HAP1: variants seen among roughly 807,000 people sequenced by gnomAD.
The protein encoded by HAP1 is huntingtin-associated protein 1.
A neutral mutation model predicts 60.3 loss-of-function variants in HAP1; 59 were observed. That is an observed-to-expected ratio of 0.98 (90% CI 0.79 to 1.22). The LOEUF is 1.22. HAP1 is among the 50% of genes most tolerant of loss of function. HAP1 has a pLI of 0.00. For synonymous variants in HAP1, 346 were observed against 330.6 expected (o/e 1.05, Z -0.50); for missense variants, 825 against 785.3 (o/e 1.05, Z -0.60).
chr17:41,731,901 G>A, intron 4 of HAP1, 36 bp downstream of exon 4: 1 of 827,132 alleles, frequency 1.2e-6, no homozygotes, highest in East Asian at 2.6e-5. Flanking sequence ...TTGAGGCTCA[G>A]AGAAAGGACT....
In HAP1 at chr17:41,727,603, T is replaced by C. The variant is rs1911767740; in HGVS notation, c.1275+159A>G. ...CACCACTCAGACCTTGATGGAACTG[T>C]CACCTGCTGGGCTGTGCCAGGCATG... On this transcript the variant is annotated intron_variant, in intron 8 of 10. Coordinates refer to ENST00000347901, the MANE Select transcript of HAP1 (RefSeq NM_177977.3). 9.2e-6 allele frequency: 6 copies of C among 655,562 alleles called. No homozygotes were observed. The Admixed American group carries it at 1.4e-4, about 15-fold the overall frequency. 40.6% of individuals were successfully genotyped at this position (655,562 alleles called of 1,614,324 possible).
chr17:41,724,685 T>C lies in HAP1; in HGVS notation c.*16A>G. 1 of 1,571,426 alleles carries C rather than the reference T, an allele frequency of 6.4e-7. No individual in the cohort carries two copies. Among genetic ancestry groups the C allele is most frequent in the Non-Finnish European group, 8.7e-7 (1 of 1,152,780 alleles). ...GGGGCAGGTGAGCACTCGGGGAGCT[T>C]ATCCACCCTCTCTTTTCATCGGCAC... On this transcript the variant is annotated 3_prime_UTR_variant, in exon 11 of 11. Coordinates refer to ENST00000347901, the MANE Select transcript of HAP1 (RefSeq NM_177977.3).
chr17:41,726,306 C>G (rs781954425), intron 9 of HAP1, among the ~76,000 whole-genome samples: 12 of 151,288 alleles, frequency 7.9e-5, no homozygotes, highest in Non-Finnish European at 1.6e-4. Context: ...CCCAGCTACT[C>G]AGGAGGCTGA....
intron 6 of HAP1, chr17:41,730,313 T>G (rs1249912105): frequency 6.6e-6 from 1 of 151,472 alleles, no homozygotes; most frequent in East Asian, 2.0e-4. Context: ...GTCGGCATAG[T>G]GTACTACAGC....
At chr17:41,725,231 C>G (rs41314646) in intron 10 of HAP1, 77 bp from the exon 11 acceptor site, 6 of 1,225,556 alleles carry the variant, frequency 4.9e-6, no homozygotes, top group Non-Finnish European at 5.7e-6. Context: ...CGTCTCCACA[C>G]AGATCCTGAT....
At position 41,734,403 on chromosome 17, in the gene HAP1, C is replaced by A. The variant is rs1260857999; in HGVS notation, c.232G>T (p.Ala78Ser). The part of the protein sequence containing the change: ...ARPASEAGAK[A>S]GARRPSAFSA... ...AATGCGGACGGGCGCCGGGCTCCTG[C>A]CTTGGCTCCAGCCTCCGAGGCCGGG... The change falls in exon 1 of 11, where the codon GCA (alanine) becomes TCA (serine). Residue 78 changes from alanine to serine, a missense_variant. Transcript: ENST00000347901. 3 of 1,607,824 alleles carry A rather than the reference C, an allele frequency of 1.9e-6. No homozygotes were observed. Among genetic ancestry groups the A allele is most frequent in the Non-Finnish European group, 2.6e-6 (3 of 1,176,010 alleles).
chr17:41,734,628 G>A lies in HAP1; in HGVS notation c.7C>T (p.Pro3Ser), dbSNP rs535921386. ...GCGCAGCACCGGCCCAACCTCTTCG[G>A]GCGCATCTCGAGTCTGCCGTCCGCT... is the stretch of plus-strand genomic sequence containing the variant. MR[P>S]KRLGRCCAGS... The change falls in exon 1 of 11, where the codon CCG becomes TCG. Residue 3 changes from proline to serine, a missense_variant. Transcript: ENST00000347901. 1.9e-4 allele frequency: 293 copies of A among 1,511,776 alleles called. 1 individual carries two copies. The highest frequency in any genetic ancestry group is 1.9e-3 in the South Asian group (150 of 80,236). The allele number at this position is 1,511,776 out of a possible 1,614,324, so 93.6% of individuals were successfully genotyped here. A position where few individuals can be genotyped will look rare whatever the true frequency, so the allele number is the denominator to read the frequency against.
At chr17:41,727,915 C>A in intron 7 of HAP1, 79 bp from the exon 8 acceptor site, 2 of 879,914 alleles carry the variant, frequency 2.3e-6, no homozygotes, top group South Asian at 1.4e-5. Flanking sequence ...CAAGTCTTCC[C>A]AGGCACATCA....
downstream of HAP1, chr17:41,721,509 G>A (rs1035074716): frequency 1.1e-5 from 2 of 182,878 alleles, no homozygotes; most frequent in Non-Finnish European, 2.5e-5. Context: ...CTGCATCTCC[G>A]TTTCCTTCAA....
At chr17:41,728,354 C>A (rs782807428) in intron 6 of HAP1, 23 bp from the exon 7 acceptor site, 2 of 1,611,328 alleles carry the variant, frequency 1.2e-6, no homozygotes, top group South Asian at 2.2e-5. Flanking sequence ...GAGGACAGGT[C>A]AGCCCTGGCT....
At chr17:41,726,291 G>A (rs1392137243) in intron 9 of HAP1, among the ~76,000 whole-genome samples, 1 of 151,854 alleles carries the variant, frequency 6.6e-6, no homozygotes, top group Non-Finnish European at 1.5e-5. Flanking sequence ...ATGGCCACCT[G>A]TAGTCCCAGC....
chr17:41,727,493 T>C (rs1555589238), intron 8 of HAP1: 3 of 768,034 alleles, frequency 3.9e-6, no homozygotes, highest in Admixed American at 3.4e-5. Context: ...CACTCCTGCC[T>C]ATCTGCTCTC....
chr17:41,724,878 C>A lies in HAP1; in HGVS notation c.1683G>T (p.Glu561Asp). The A allele has an allele frequency of 6.2e-7, 1 of 1,613,806 alleles. No individual in the cohort carries two copies. ...GGTGTGAAGGGCCCAAGCCGCTGGC[C>A]TCCAGGGCTGATGTCACCACGTTCA... ...TRMNVVTSAL[E>D]ASGLGPSHLD... The change falls in exon 11 of 11, where the codon GAG (glutamate) becomes GAT (aspartate). Residue 561 changes from glutamate to aspartate, a missense_variant. Physicochemically the swap from Glu to Asp is conservative, Grantham distance 45. Transcript: ENST00000347901.
chr17:41,718,726 G>C (rs1393094184), downstream of HAP1, among the ~76,000 whole-genome samples: 1 of 152,226 alleles, frequency 6.6e-6, no homozygotes, highest in Non-Finnish European at 1.5e-5. Context: ...ATTATGGAAG[G>C]AAAACGTCCT....
chr17:41,734,573 GC>G lies in HAP1; in HGVS notation c.61del (p.Ala21GlnfsTer30), dbSNP rs1567787757. 1 of 1,596,872 alleles carries G rather than the reference GC, an allele frequency of 6.3e-7. No homozygotes were observed. Among genetic ancestry groups the G allele is most frequent in the African/African-American group, 1.3e-5 (1 of 74,748 alleles). On this transcript the variant is annotated frameshift_variant, in exon 1 of 11. Transcript: ENST00000347901. LOFTEE classifies it high-confidence loss of function. ...AGSRLGPGDP[A>X]ALTCAPSPSA... ...GGGCGAAGGTGCACAGGTGAGTGCT[GC>G]TGGGTCCCCGGGTCCGAGCCGGCTC...
At chr17:41,733,018 AGGTTTTT>A (rs1912351104) in intron 1 of HAP1, among the ~76,000 whole-genome samples, 1 of 42,056 alleles carries the variant, frequency 2.4e-5, no homozygotes, top group African/African-American at 6.6e-5. Context: ...CAGGGTTTTT[AGGTTTTT>A]GGGTTTTTTT....
At chr17:41,718,306 C>A (rs1911063426), downstream of HAP1, 1 of 198,936 alleles carries the variant, frequency 5.0e-6, no homozygotes, top group African/African-American at 2.3e-5. Flanking sequence ...TAAAGGACAG[C>A]AATTTTTAGA....
chr17:41,734,096 G>T (rs1390426381), intron 1 of HAP1, 70 bp downstream of exon 1: 2 of 1,299,618 alleles, frequency 1.5e-6, no homozygotes, highest in South Asian at 1.5e-5. Flanking sequence ...GCCTGGACCC[G>T]ATGGGGCCAC....
At position 41,734,452 on chromosome 17, in the gene HAP1, G is replaced by A. The variant is rs781971113; in HGVS notation, c.183C>T (p.Leu61=). 7.5e-6 allele frequency: 12 copies of A among 1,608,570 alleles called. No homozygotes were observed. The highest frequency in any genetic ancestry group is 1.3e-5 in the African/African-American group (1 of 74,840). Residue 61 remains leucine, a synonymous_variant, in exon 1 of 11, where the codon CTC becomes CTT. Transcript: ENST00000347901. ...GGCGAGCTCCGGTGCGGGCTTCCGAGAGGAACTGGGATCCAGAGGTGGCTC... is the reference window on the plus strand; with the variant it reads ...GGCGAGCTCCGGTGCGGGCTTCCGAAAGGAACTGGGATCCAGAGGTGGCTC... The part of the protein sequence containing the change: ...GSRATSGSQF[L]SEARTGARPA...
Sources: gnomAD v4.1 joint callset for allele counts (sites outside exome capture counted in the v4.1 genomes callset) on GRCh38, gnomAD v4.1.1 for gene constraint, MANE v1.5 for transcripts, NCBI Gene and HGNC (gene_info 2026-07-23, HGNC 2026-07-21) for gene names.